Variants in PTPRD observed in about 807,000 individuals in gnomAD.
PTPRD encodes protein tyrosine phosphatase receptor type D.
In PTPRD, 34 loss-of-function variants were observed where a neutral mutation model predicts 214.5. The ratio of observed to expected loss-of-function variants is 0.16; its 90% CI spans 0.12 to 0.21. The LOEUF (loss-of-function observed/expected upper bound fraction) is 0.21, where lower values mean the gene tolerates loss of function less well. Among genes scored for constraint, PTPRD ranks in the 10% least tolerant of loss-of-function variants. The pLI is 1.00. For missense variants in PTPRD, 2,545 were observed against 2,398.7 expected, an observed-to-expected ratio of 1.06 and a Z score of -1.27; for synonymous variants, 1,128 against 845.7, an observed-to-expected ratio of 1.33 and a Z score of -5.79.
chr9:8,678,240 C>T (rs576892558), intron 12 of PTPRD, among the ~76,000 whole-genome samples: 2 of 152,266 alleles, frequency 1.3e-5, no homozygotes, highest in South Asian at 4.2e-4. Context: ...AGGCTCCACA[C>T]CACCCTCACT....
chr9:9,535,373 G>C (rs1380326994), intron 8 of PTPRD, among the ~76,000 whole-genome samples: 1 of 152,090 alleles, frequency 6.6e-6, no homozygotes, highest in Non-Finnish European at 1.5e-5. Context: ...TGAAAAGACA[G>C]CATAACACAT....
At chr9:9,340,057 A>C (rs1333564483) in intron 9 of PTPRD, among the ~76,000 whole-genome samples, 1 of 152,164 alleles carries the variant, frequency 6.6e-6, no homozygotes, top group Non-Finnish European at 1.5e-5. Context: ...AAGTCTCAGT[A>C]AGAGAGATAG....
intron 11 of PTPRD, among the ~76,000 whole-genome samples, chr9:8,906,730 T>C (rs2098710468): frequency 6.6e-6 from 1 of 151,984 alleles, no homozygotes; most frequent in Non-Finnish European, 1.5e-5. Flanking sequence ...TCTATTATGT[T>C]GGGGAGCTCT....
intron 39 of PTPRD, among the ~76,000 whole-genome samples, chr9:8,359,107 C>CAAAAAAAAA (rs749802631): frequency 3.0e-4 from 3 of 9,846 alleles, no homozygotes; most frequent in African/African-American, 1.0e-3. Flanking sequence ...GACTCCGTCT[C>CAAAAAAAAA]AAAAAAAAAA....
intron 5 of PTPRD, among the ~76,000 whole-genome samples, chr9:9,909,054 T>C (rs151319099): frequency 7.2e-6 from 1 of 138,764 alleles, no homozygotes; most frequent in African/African-American, 2.9e-5. Context: ...TTTTTTCACA[T>C]ATTTTCCAGG....
intron 2 of PTPRD, among the ~76,000 whole-genome samples, chr9:10,508,151 T>C (rs1233142589): frequency 1.3e-5 from 2 of 152,214 alleles, no homozygotes; most frequent in African/African-American, 4.8e-5. Context: ...GAACAGACAC[T>C]TCTCAAAAGA....
At chr9:9,894,271 C>A (rs1349279032) in intron 5 of PTPRD, among the ~76,000 whole-genome samples, 4 of 151,974 alleles carry the variant, frequency 2.6e-5, no homozygotes, top group African/African-American at 7.2e-5. Flanking sequence ...CAGATTTCTT[C>A]TGGAAAGCAA....
chr9:8,938,436 C>T (rs753160331), intron 11 of PTPRD, among the ~76,000 whole-genome samples: 5 of 152,242 alleles, frequency 3.3e-5, no homozygotes, highest in Non-Finnish European at 5.9e-5. Flanking sequence ...AGCAATCATA[C>T]GGCCAAAATA....
At chr9:8,863,733 T>G (rs2098146665) in intron 11 of PTPRD, among the ~76,000 whole-genome samples, 1 of 152,210 alleles carries the variant, frequency 6.6e-6, no homozygotes, top group Non-Finnish European at 1.5e-5. Flanking sequence ...ATATGAGGTA[T>G]AAACACATTT....
At chr9:10,379,840 G>A (rs906469193) in intron 2 of PTPRD, among the ~76,000 whole-genome samples, 1 of 151,942 alleles carries the variant, frequency 6.6e-6, no homozygotes, top group African/African-American at 2.4e-5. Flanking sequence ...ATATCTGAGT[G>A]TTGTTATAGA....
intron 7 of PTPRD, among the ~76,000 whole-genome samples, chr9:9,601,396 G>C (rs1378442355): frequency 6.6e-6 from 1 of 151,910 alleles, no homozygotes; most frequent in Non-Finnish European, 1.5e-5. Flanking sequence ...AACTGTTACA[G>C]GGAAAATTAC....
intron 14 of PTPRD, among the ~76,000 whole-genome samples, chr9:8,575,058 G>A (rs1940192333): frequency 6.6e-6 from 1 of 152,020 alleles, no homozygotes; most frequent in Non-Finnish European, 1.5e-5. Context: ...CACTTCATCA[G>A]AGGGTTTACA....
At chr9:10,551,648 G>A (rs576168267) in intron 2 of PTPRD, among the ~76,000 whole-genome samples, 7 of 152,142 alleles carry the variant, frequency 4.6e-5, no homozygotes, top group African/African-American at 1.4e-4. Context: ...GAAATTTCCT[G>A]GCTCTATTAT....
intron 2 of PTPRD, among the ~76,000 whole-genome samples, chr9:10,349,228 GA>G (rs912539344): frequency 4.2e-5 from 5 of 118,528 alleles, no homozygotes; most frequent in African/African-American, 1.6e-4. Context: ...CATCTTTGGG[GA>G]AAGTCATAGA....
intron 11 of PTPRD, among the ~76,000 whole-genome samples, chr9:8,985,375 T>G (rs184720372): frequency 1.1e-4 from 17 of 152,168 alleles, no homozygotes; most frequent in Non-Finnish European, 1.6e-4. Flanking sequence ...TTCTGATACT[T>G]AACCTTTAAT....
intron 44 of PTPRD, 139 bp downstream of exon 44, chr9:8,331,443 G>C (rs935516943): frequency 3.0e-6 from 3 of 985,292 alleles, no homozygotes; most frequent in Non-Finnish European, 2.9e-6. Context: ...AAAAGAAAGA[G>C]AAATCAATCC....
chr9:9,410,568 G>C (rs925347608), intron 8 of PTPRD, among the ~76,000 whole-genome samples: 2 of 152,078 alleles, frequency 1.3e-5, no homozygotes, highest in African/African-American at 4.8e-5. Context: ...GCCAGAACCC[G>C]ACTATGAATT....
intron 8 of PTPRD, among the ~76,000 whole-genome samples, chr9:9,534,798 T>C (rs2076193645): frequency 6.6e-6 from 1 of 152,090 alleles, no homozygotes; most frequent in African/African-American, 2.4e-5. Flanking sequence ...CTTCTTATTT[T>C]TACTTTTGCC....
Position 8,732,024 on chromosome 9 carries a change from C to T in PTPRD, c.64+1756G>A, listed in dbSNP as rs116628574. ...TGATAAATATCTTAACTAAAAATTGCTAACAAGGGCCTTTGTGATTTCTTT... is the reference window on the plus strand; with the variant it reads ...TGATAAATATCTTAACTAAAAATTGTTAACAAGGGCCTTTGTGATTTCTTT... On this transcript the variant is annotated intron_variant, in intron 12 of 45. Coordinates refer to ENST00000381196, the MANE Select transcript of PTPRD (RefSeq NM_002839.4). Among the ~76,000 whole-genome samples the T allele has an allele frequency of 1.9e-3, 283 of 152,256 alleles. 2 individuals carry two copies. The highest frequency in any genetic ancestry group is 6.5e-3 in the African/African-American group (272 of 41,568).
Sources: gnomAD v4.1 joint callset for allele counts (sites outside exome capture counted in the v4.1 genomes callset) on GRCh38, gnomAD v4.1.1 for gene constraint, MANE v1.5 for transcripts, NCBI Gene and HGNC (gene_info 2026-07-23, HGNC 2026-07-21) for gene names.